Variants in TENM3 observed in about 807,000 individuals in gnomAD.
TENM3 encodes the protein teneurin transmembrane protein 3, also known as teneurin-3.
Under a neutral mutation model 255.1 loss-of-function variants are expected in TENM3, and 63 were observed. The ratio of observed to expected loss-of-function variants is 0.25; its 90% CI spans 0.20 to 0.30. The LOEUF is 0.30. Ranked by LOEUF, TENM3 falls within the 10% of genes least tolerant of loss-of-function variation. TENM3 has a pLI of 1.00. For synonymous variants in TENM3, 1,306 were observed against 1,322.3 expected, an observed-to-expected ratio of 0.99 and a Z score of 0.27; for missense variants, 2,929 against 3,461.1, an observed-to-expected ratio of 0.85 and a Z score of 3.86.
intron 1 of TENM3, among the ~76,000 whole-genome samples, chr4:182,307,482 G>A: frequency 6.6e-6 from 1 of 152,142 alleles, no homozygotes; most frequent in East Asian, 1.9e-4. Context: ...ATGTAGAGTA[G>A]CACTCACCTG....
chr4:182,610,884 T>C (rs549266972), intron 4 of TENM3, among the ~76,000 whole-genome samples: 2 of 150,922 alleles, frequency 1.3e-5, no homozygotes, highest in East Asian at 2.0e-4. Flanking sequence ...GCTGAGACCA[T>C]AGGAGCATGT....
At chr4:181,615,036 G>A in the TENM3 span, among the ~76,000 whole-genome samples, 2 of 152,164 alleles carry the variant, frequency 1.3e-5, no homozygotes, top group South Asian at 2.1e-4. Flanking sequence ...ACAGGATGTA[G>A]AATCCACAGC....
chr4:182,305,742 T>G (rs2150390769), intron 1 of TENM3, among the ~76,000 whole-genome samples: 1 of 152,306 alleles, frequency 6.6e-6, no homozygotes, highest in African/African-American at 2.4e-5. Context: ...TATTCAATGA[T>G]CAGACTGTGT....
chr4:182,440,007 T>C (rs1404215570), intron 3 of TENM3, among the ~76,000 whole-genome samples: 1 of 152,114 alleles, frequency 6.6e-6, no homozygotes, highest in Non-Finnish European at 1.5e-5. Flanking sequence ...TCATTGCCTC[T>C]GAAATCTCAT....
At chr4:181,468,626 T>C in the TENM3 span, among the ~76,000 whole-genome samples, 1 of 152,230 alleles carries the variant, frequency 6.6e-6, no homozygotes, top group Non-Finnish European at 1.5e-5. Flanking sequence ...ACATTAGTGC[T>C]GGAATTTTTC....
intron 4 of TENM3, among the ~76,000 whole-genome samples, chr4:182,621,751 T>A (rs868693796): frequency 4.8e-5 from 1 of 20,774 alleles, no homozygotes; most frequent in Non-Finnish European, 1.3e-4. Context: ...TATAATATAT[T>A]ATAATATATA....
At chr4:182,029,696 T>TA in the TENM3 span, among the ~76,000 whole-genome samples, 1 of 152,208 alleles carries the variant, frequency 6.6e-6, no homozygotes, top group Non-Finnish European at 1.5e-5. Flanking sequence ...TTTATTAATA[T>TA]AACTAGGAGA....
chr4:182,725,092 G>A lies in TENM3; in HGVS notation c.2369-3873G>A, dbSNP rs78220758. 7.2e-3 allele frequency among the ~76,000 whole-genome samples: 1,090 copies of A among 151,158 alleles called. 12 individuals carry two copies. Among genetic ancestry groups the A allele is most frequent in the African/African-American group, 0.025 (1,045 of 41,178 alleles). Reference sequence around the variant, plus strand: ...TTTTGAAACAGGGCCTCTCCCTGTCGCCCAGGCTAGAGCACAGTGGTGGGA... The same window carrying A: ...TTTTGAAACAGGGCCTCTCCCTGTCACCCAGGCTAGAGCACAGTGGTGGGA... On this transcript the variant is annotated intron_variant, in intron 13 of 27. Transcript: ENST00000511685.
At chr4:182,065,095 T>G in the TENM3 span, among the ~76,000 whole-genome samples, 1 of 149,942 alleles carries the variant, frequency 6.7e-6, no homozygotes, top group Non-Finnish European at 1.5e-5. Flanking sequence ...AGTGCAGTGG[T>G]GCAATCTCAG....
intron 12 of TENM3, among the ~76,000 whole-genome samples, chr4:182,701,817 C>G (rs1275581974): frequency 6.6e-6 from 1 of 152,148 alleles, no homozygotes; most frequent in Non-Finnish European, 1.5e-5. Context: ...CAAGGGTGGC[C>G]TTCCTCCTGT....
At chr4:181,582,449 C>T in the TENM3 span, among the ~76,000 whole-genome samples, 1 of 152,048 alleles carries the variant, frequency 6.6e-6, no homozygotes. Context: ...CTGAGTTAAT[C>T]AAGACGAATT....
At chr4:181,611,671 G>A in the TENM3 span, among the ~76,000 whole-genome samples, 4 of 152,110 alleles carry the variant, frequency 2.6e-5, no homozygotes, top group Non-Finnish European at 4.4e-5. Flanking sequence ...TTAATGTGAG[G>A]CATTTGACAA....
intron 1 of TENM3, among the ~76,000 whole-genome samples, chr4:182,281,893 A>G: frequency 6.6e-6 from 1 of 151,948 alleles, no homozygotes; most frequent in Non-Finnish European, 1.5e-5. Context: ...GTACCACCAT[A>G]CCCGGCTAAT....
chr4:181,557,846 A>T, the TENM3 span, among the ~76,000 whole-genome samples: 7 of 152,288 alleles, frequency 4.6e-5, no homozygotes, highest in Admixed American at 4.6e-4. Flanking sequence ...ATATATTTCT[A>T]CATAAGTTAA....
the TENM3 span, among the ~76,000 whole-genome samples, chr4:181,517,704 A>G: frequency 6.6e-6 from 1 of 152,220 alleles, no homozygotes; most frequent in East Asian, 1.9e-4. Flanking sequence ...TCTGAACCAC[A>G]GGGAAAAATC....
chr4:182,324,237 G>A lies in TENM3; in HGVS notation c.217G>A (p.Glu73Lys), dbSNP rs1191733343. The change falls in exon 2 of 28, where the codon GAG becomes AAG. Residue 73 changes from glutamate (E) to lysine (K), a missense_variant. Physicochemically the swap from Glu to Lys is moderately conservative, Grantham distance 56 (BLOSUM62 1). Coordinates refer to ENST00000511685, the MANE Select transcript of TENM3 (RefSeq NM_001080477.4). ...GGATTTGGTTCACAGAGAAGCAGAC[G>A]AGTTCACTAGACAAGGTGGGTAACT... ...VKDLVHREAD[E>K]FTRQGQNFTL... 2 of 1,612,808 alleles carry A rather than the reference G, an allele frequency of 1.2e-6. No individual in the cohort carries two copies. The highest frequency in any genetic ancestry group is 1.7e-6 in the Non-Finnish European group (2 of 1,178,928).
intron 3 of TENM3, among the ~76,000 whole-genome samples, chr4:182,559,107 T>C (rs929116462): frequency 1.3e-5 from 2 of 150,308 alleles, no homozygotes; most frequent in African/African-American, 4.9e-5. Flanking sequence ...TCTTTCTTTC[T>C]TTTCTCTTTA....
the TENM3 span, among the ~76,000 whole-genome samples, chr4:181,568,774 C>A: frequency 2.0e-5 from 3 of 152,170 alleles, no homozygotes; most frequent in Non-Finnish European, 2.9e-5. Flanking sequence ...TAATCCTTTC[C>A]AAGCTCCCAC....
chr4:182,125,655 C>G, the TENM3 span, among the ~76,000 whole-genome samples: 1 of 151,752 alleles, frequency 6.6e-6, no homozygotes, highest in Non-Finnish European at 1.5e-5. Context: ...TAGGCAAGCC[C>G]TTTAAGGAGT....
Sources: gnomAD v4.1 joint callset for allele counts (sites outside exome capture counted in the v4.1 genomes callset) on GRCh38, gnomAD v4.1.1 for gene constraint, MANE v1.5 for transcripts, NCBI Gene and HGNC (gene_info 2026-07-23, HGNC 2026-07-21) for gene names.